DPY19L4: variants seen among roughly 807,000 people sequenced by gnomAD.
DPY19L4 encodes dpy-19 like 4, also known as probable C-mannosyltransferase DPY19L4.
In DPY19L4, 97 loss-of-function variants were observed where a neutral mutation model predicts 102.8. The ratio of observed to expected loss-of-function variants is 0.94; its 90% CI spans 0.80 to 1.12. DPY19L4 has a LOEUF of 1.12. Ranked by LOEUF, DPY19L4 falls within the 50% of genes most tolerant of loss-of-function variation. DPY19L4 has a pLI of 0.00. For missense variants in DPY19L4, 815 were observed against 850.4 expected, an observed-to-expected ratio of 0.96 and a Z score of 0.52; for synonymous variants, 252 against 283.1, an observed-to-expected ratio of 0.89 and a Z score of 1.10.
chr8:94,750,465 G>T (rs1226983695), intron 6 of DPY19L4, among the ~76,000 whole-genome samples: 3 of 152,136 alleles, frequency 2.0e-5, no homozygotes, highest in Non-Finnish European at 4.4e-5. Context: ...CTATAATACT[G>T]AATGTTTACT....
chr8:94,755,743 G>T (rs1257385422), intron 6 of DPY19L4, among the ~76,000 whole-genome samples: 2 of 152,092 alleles, frequency 1.3e-5, no homozygotes, highest in African/African-American at 4.8e-5. Flanking sequence ...AAATTAGCCG[G>T]GTGTGGTGAC....
chr8:94,778,929 G>A (rs968479914), intron 14 of DPY19L4, among the ~76,000 whole-genome samples: 2 of 152,146 alleles, frequency 1.3e-5, no homozygotes, highest in Non-Finnish European at 2.9e-5. Context: ...GTGAGGCCAT[G>A]GGGTCCCTGG....
chr8:94,749,800 A>G (rs997200508), intron 6 of DPY19L4, among the ~76,000 whole-genome samples: 12 of 152,192 alleles, frequency 7.9e-5, no homozygotes, highest in African/African-American at 2.9e-4. Context: ...GAACTTCTCT[A>G]TTCCCTACAG....
intron 8 of DPY19L4, among the ~76,000 whole-genome samples, chr8:94,763,157 C>T (rs1016294190): frequency 1.3e-5 from 2 of 151,608 alleles, no homozygotes; most frequent in Non-Finnish European, 2.9e-5. Context: ...CCATGTTAGC[C>T]AGGCTGATCT....
chr8:94,780,429 AT>A lies in DPY19L4; in HGVS notation c.1632+19del. On this transcript the variant is annotated intron_variant, in intron 15 of 18. Transcript: ENST00000414645. ...TTATGGAAAGAGGTAAAAAAATTAG[AT>A]TTTTATATTAATAAAATGTACTTTA... 1.4e-6 allele frequency: 2 copies of A among 1,417,182 alleles called. No homozygotes were observed. The highest frequency in any genetic ancestry group is 1.9e-6 in the Non-Finnish European group (2 of 1,061,100). 87.8% of individuals were successfully genotyped at this position (1,417,182 alleles called of 1,614,324 possible). A position where few individuals can be genotyped will look rare whatever the true frequency, so the allele number is the denominator to read the frequency against.
intron 1 of DPY19L4, among the ~76,000 whole-genome samples, chr8:94,725,365 A>C (rs1810641551): frequency 6.6e-6 from 1 of 152,202 alleles, no homozygotes; most frequent in Non-Finnish European, 1.5e-5. Flanking sequence ...TGTATATAGT[A>C]CATTCCTGTT....
At chr8:94,727,111 A>G (rs1810723598) in intron 2 of DPY19L4, among the ~76,000 whole-genome samples, 2 of 152,240 alleles carry the variant, frequency 1.3e-5, no homozygotes, top group Non-Finnish European at 2.9e-5. Flanking sequence ...TCTATGAACT[A>G]AAAAGACAGG....
intron 6 of DPY19L4, among the ~76,000 whole-genome samples, chr8:94,753,997 C>T (rs1470333083): frequency 1.3e-5 from 2 of 152,104 alleles, no homozygotes; most frequent in East Asian, 1.9e-4. Flanking sequence ...GCCTGGGCAA[C>T]GTGGCAAAAC....
intron 1 of DPY19L4, among the ~76,000 whole-genome samples, chr8:94,720,968 C>A (rs1358920506): frequency 2.7e-5 from 4 of 148,216 alleles, no homozygotes; most frequent in Admixed American, 2.7e-4. Context: ...TTTTTTGAAA[C>A]GGAGTTTCGT....
intron 5 of DPY19L4, 36 bp downstream of exon 5, chr8:94,739,570 C>T: frequency 6.3e-7 from 1 of 1,597,520 alleles, no homozygotes; most frequent in Non-Finnish European, 8.5e-7. Flanking sequence ...TATTTATTTT[C>T]TCATGTATTC....
intron 1 of DPY19L4, 111 bp downstream of exon 1, chr8:94,720,125 G>T (rs1810392387): frequency 2.1e-6 from 3 of 1,405,742 alleles, no homozygotes; most frequent in Non-Finnish European, 2.8e-6. Flanking sequence ...TCGCGGTGGC[G>T]GCCGCGCGGG....
At chr8:94,781,251 T>A in intron 16 of DPY19L4, 85 bp downstream of exon 16, 1 of 1,178,244 alleles carries the variant, frequency 8.5e-7, no homozygotes, top group Non-Finnish European at 1.1e-6. Context: ...AAATAATAAA[T>A]TAATACTTCT....
At chr8:94,735,089 T>A (rs781525314) in intron 3 of DPY19L4, among the ~76,000 whole-genome samples, 37 of 152,198 alleles carry the variant, frequency 2.4e-4, no homozygotes, top group Non-Finnish European at 5.1e-4. Flanking sequence ...TAAAATATTT[T>A]AATTTTTAGA....
rs1164710610 is a variant in DPY19L4, at chr8:94,768,566, GAGAATCAATCATATT to G, written c.1334+15_1334+29del. 1 of 1,383,226 alleles carries G rather than the reference GAGAATCAATCATATT, an allele frequency of 7.2e-7. No homozygotes were observed. The highest frequency in any genetic ancestry group is 9.9e-7 in the Non-Finnish European group (1 of 1,009,038). 85.7% of individuals were successfully genotyped at this position (1,383,226 alleles called of 1,614,324 possible). Reference sequence around the variant, plus strand: ...TTAGGAGGATTAAGTAAGTACCTATGAGAATCAATCATATTACTAACATAAATTATGGAAATATAT... The same window carrying G: ...TTAGGAGGATTAAGTAAGTACCTATGACTAACATAAATTATGGAAATATAT... On this transcript the variant is annotated intron_variant, in intron 12 of 18. Transcript: ENST00000414645.
At chr8:94,724,417 C>T (rs1460144113) in intron 1 of DPY19L4, among the ~76,000 whole-genome samples, 1 of 152,090 alleles carries the variant, frequency 6.6e-6, no homozygotes, top group African/African-American at 2.4e-5. Flanking sequence ...CATAAATATG[C>T]GTTCTTGTTG....
intron 2 of DPY19L4, among the ~76,000 whole-genome samples, chr8:94,727,364 G>T (rs1302902119): frequency 2.6e-5 from 4 of 152,178 alleles, no homozygotes; most frequent in Non-Finnish European, 1.5e-5. Context: ...CTCCTCAGTA[G>T]CTGGAACTAC....
At chr8:94,788,130 TCTTTAAA>T in intron 18 of DPY19L4, 78 bp downstream of exon 18, 1 of 760,154 alleles carries the variant, frequency 1.3e-6, no homozygotes, top group Non-Finnish European at 1.7e-6. Flanking sequence ...AAACTTATAA[TCTTTAAA>T]CTTTATTTTT....
chr8:94,743,077 G>T (rs1050166800), intron 6 of DPY19L4, among the ~76,000 whole-genome samples: 1 of 151,754 alleles, frequency 6.6e-6, no homozygotes, highest in Admixed American at 6.6e-5. Flanking sequence ...GCCCAGGCTA[G>T]AGTGTAATGG....
At chr8:94,723,702 C>G (rs1810570302) in intron 1 of DPY19L4, among the ~76,000 whole-genome samples, 1 of 152,090 alleles carries the variant, frequency 6.6e-6, no homozygotes, top group African/African-American at 2.4e-5. Context: ...ACTTTTGGCT[C>G]TTACAGTTTA....
Sources: gnomAD v4.1 joint callset for allele counts (sites outside exome capture counted in the v4.1 genomes callset) on GRCh38, gnomAD v4.1.1 for gene constraint, MANE v1.5 for transcripts, NCBI Gene and HGNC (gene_info 2026-07-23, HGNC 2026-07-21) for gene names.